NDRG2: variants seen among roughly 807,000 people sequenced by gnomAD.
The protein encoded by NDRG2 is protein NDRG2.
In NDRG2, 34 loss-of-function variants were observed where a neutral mutation model predicts 58.2. That is an observed-to-expected ratio of 0.58 (90% confidence interval 0.44 to 0.78). NDRG2 has a LOEUF of 0.78. Among genes scored for constraint, NDRG2 ranks in the 30% least tolerant of loss-of-function variants. The pLI is 0.00. For missense variants in NDRG2, 434 were observed against 471.2 expected (o/e 0.92, Z 0.73); for synonymous variants, 187 against 175.9 (o/e 1.06, Z -0.50).
At chr14:21,036,712 G>C (rs1261608348) in intron 1 of NDRG2, among the ~76,000 whole-genome samples, 4 of 152,162 alleles carry the variant, frequency 2.6e-5, no homozygotes, top group Admixed American at 6.5e-5. Context: ...CTGGAACCCT[G>C]CTGCTGCACC....
At chr14:21,020,038 G>A in intron 8 of NDRG2, 62 bp from the exon 9 acceptor site, 15 of 1,502,902 alleles carry the variant, frequency 1.0e-5, no homozygotes, top group Non-Finnish European at 1.4e-5. Context: ...GCTCACGTCT[G>A]TAATCCCAGC....
intron 1 of NDRG2, chr14:21,033,931 GT>G: frequency 6.2e-7 from 1 of 1,614,004 alleles, no homozygotes; most frequent in Non-Finnish European, 8.5e-7. Flanking sequence ...CAGCTAGTGG[GT>G]GGCTGTTGGT....
intron 1 of NDRG2, among the ~76,000 whole-genome samples, chr14:21,056,812 C>T (rs910283549): frequency 2.0e-5 from 3 of 152,328 alleles, no homozygotes; most frequent in African/African-American, 7.2e-5. Context: ...CTTGCAGGAA[C>T]TCAAGCTCCC....
At chr14:21,064,445 G>A (rs1339653330) in intron 1 of NDRG2, among the ~76,000 whole-genome samples, 3 of 151,948 alleles carry the variant, frequency 2.0e-5, no homozygotes, top group Non-Finnish European at 4.4e-5. Flanking sequence ...GGGATTACAG[G>A]TGCACACTGC....
At chr14:21,025,445 T>G (rs1221899716), upstream of NDRG2, 1 of 985,258 alleles carries the variant, frequency 1.0e-6, no homozygotes, top group Non-Finnish European at 1.2e-6. The surrounding 1 kb of genome is among the most constrained non-coding windows in gnomAD (Gnocchi z 5.1). Flanking sequence ...GACTCAGTGG[T>G]GGGAACCGGT....
At chr14:21,036,330 T>G (rs375301931) in intron 1 of NDRG2, 2 of 453,008 alleles carry the variant, frequency 4.4e-6, no homozygotes, top group African/African-American at 4.0e-5. Flanking sequence ...TTGTTTCTCA[T>G]AGGGTAGGGG....
chr14:21,046,465 G>A (rs1000939884), intron 1 of NDRG2, among the ~76,000 whole-genome samples: 1 of 58,128 alleles, frequency 1.7e-5, no homozygotes, highest in African/African-American at 5.1e-5. Context: ...AGGCTGCAGT[G>A]AGCCATGATC....
At chr14:21,021,185 T>A (rs1373094543) in intron 6 of NDRG2, 1 of 476,320 alleles carries the variant, frequency 2.1e-6, no homozygotes, top group African/African-American at 2.0e-5. Flanking sequence ...TTGTTCTGCT[T>A]TAGTTCCTGG....
chr14:21,052,647 G>T (rs754542652), intron 1 of NDRG2, among the ~76,000 whole-genome samples: 3 of 152,228 alleles, frequency 2.0e-5, no homozygotes, highest in Non-Finnish European at 4.4e-5. Flanking sequence ...GGGTAGACTG[G>T]ACGCAAGGTG....
intron 1 of NDRG2, among the ~76,000 whole-genome samples, chr14:21,053,264 C>T (rs1885544636): frequency 6.6e-6 from 1 of 152,130 alleles, no homozygotes; most frequent in Admixed American, 6.5e-5. Flanking sequence ...GAGTGGATCA[C>T]TTGAGTCCAG....
intron 1 of NDRG2, among the ~76,000 whole-genome samples, chr14:21,065,262 A>AC (rs1163156043): frequency 1.3e-5 from 2 of 151,962 alleles, no homozygotes; most frequent in African/African-American, 2.4e-5. Flanking sequence ...AAACAAACAA[A>AC]AAAAACCTCA....
In NDRG2 at chr14:21,024,726, G is replaced by A. The variant is rs1882836303; in HGVS notation, c.-703C>T. 5 of 985,436 alleles carry A rather than the reference G, an allele frequency of 5.1e-6. No individual in the cohort carries two copies. In the African/African-American group the frequency reaches 5.2e-5, roughly 10 times the overall value. 61.0% of individuals were successfully genotyped at this position (985,436 alleles called of 1,614,324 possible). A position where few individuals can be genotyped will look rare whatever the true frequency, so the allele number is the denominator to read the frequency against. On this transcript the variant is annotated 5_prime_UTR_variant, in exon 1 of 16. Coordinates refer to ENST00000556147, the MANE Select transcript of NDRG2 (RefSeq NM_001320329.2). ...AGGGATGGGTAGGACAGAGGAGACC[G>A]GCCGGGCCCAGCACCCGGAACCCGT...
At chr14:21,062,708 AGTGTGTGTGT>A (rs71416997) in intron 1 of NDRG2, among the ~76,000 whole-genome samples, 57 of 131,052 alleles carry the variant, frequency 4.3e-4, no homozygotes, top group African/African-American at 1.6e-3. Context: ...GGCTGGGCAC[AGTGTGTGTGT>A]GTGTGTGTGT....
At chr14:21,062,673 T>C (rs1247352345) in intron 1 of NDRG2, among the ~76,000 whole-genome samples, 1 of 150,096 alleles carries the variant, frequency 6.7e-6, no homozygotes, top group Non-Finnish European at 1.5e-5. Context: ...CTAAGTAGAG[T>C]AGCTTTTAAA....
chr14:21,040,239 G>A (rs1198648275), intron 1 of NDRG2, among the ~76,000 whole-genome samples: 1 of 152,164 alleles, frequency 6.6e-6, no homozygotes, highest in African/African-American at 2.4e-5. Flanking sequence ...AAGAGCCAGA[G>A]GCCTGTGTGA....
At chr14:21,023,011 A>G in intron 2 of NDRG2, 106 bp from the exon 3 acceptor site, 1 of 1,315,678 alleles carries the variant, frequency 7.6e-7, no homozygotes, top group Non-Finnish European at 1.1e-6. Flanking sequence ...CCAACAAATG[A>G]CCAAAGACAG....
intron 1 of NDRG2, chr14:21,031,742 C>T: frequency 2.5e-6 from 2 of 802,252 alleles, no homozygotes; most frequent in Non-Finnish European, 3.9e-6. Context: ...CTGCCCACAG[C>T]TGTATCTGGG....
intron 1 of NDRG2, among the ~76,000 whole-genome samples, chr14:21,060,503 C>G (rs1472618515): frequency 6.6e-6 from 1 of 152,204 alleles, no homozygotes. Flanking sequence ...GGGTCCTGTT[C>G]TGAGCTCTCT....
At chr14:21,066,950 T>C (rs908038464) in intron 1 of NDRG2, among the ~76,000 whole-genome samples, 1 of 152,234 alleles carries the variant, frequency 6.6e-6, no homozygotes, top group African/African-American at 2.4e-5. Context: ...AAGGCAGAGC[T>C]AACAAGAACA....
Sources: allele counts gnomAD v4.1 joint callset (sites outside exome capture counted in the v4.1 genomes callset), GRCh38; gene constraint gnomAD v4.1.1; non-coding constraint Gnocchi (gnomAD v3.1); transcripts MANE v1.5; gene names NCBI Gene and HGNC (gene_info 2026-07-23, HGNC 2026-07-21).